INSR: variants seen among roughly 807,000 people sequenced by gnomAD.
INSR encodes insulin receptor.
INSR carries 67 observed loss-of-function variants against 142.6 expected under a neutral mutation model. The ratio of observed to expected loss-of-function variants is 0.47; its 90% CI spans 0.39 to 0.58. The LOEUF is 0.58. Among genes scored for constraint, INSR ranks in the 20% least tolerant of loss-of-function variants. INSR has a pLI of 0.00. For synonymous variants in INSR, 756 were observed against 743.1 expected (o/e 1.02, Z -0.28); for missense variants, 1,248 against 1,833.2 (o/e 0.68, Z 5.83).
intron 2 of INSR, among the ~76,000 whole-genome samples, chr19:7,185,868 GAGACAAAGAGAGAGAGAAA>G (rs1974416653): frequency 1.4e-5 from 1 of 70,960 alleles, no homozygotes; most frequent in African/African-American, 5.2e-5. Flanking sequence ...AAGAGAGAGA[GAGACAAAGAGAGAGAGAAA>G]AGGAAGGAAG....
chr19:7,146,945 C>T (rs1973200056), intron 11 of INSR, among the ~76,000 whole-genome samples: 1 of 152,134 alleles, frequency 6.6e-6, no homozygotes, highest in Non-Finnish European at 1.5e-5. Flanking sequence ...TTACCATAGG[C>T]TTAGCTGTTA....
intron 17 of INSR, among the ~76,000 whole-genome samples, chr19:7,123,688 T>G (rs1174321385): frequency 6.8e-6 from 1 of 146,728 alleles, no homozygotes; most frequent in Admixed American, 6.8e-5. Flanking sequence ...TTTGGGAGGC[T>G]GAGGCCGGTG....
rs758340827 is a variant in INSR at position 7,143,097 on chromosome 19, C to T, written c.2268-7G>A. 34 of 1,613,952 alleles carry T rather than the reference C, an allele frequency of 2.1e-5. No individual in the cohort carries two copies. The highest frequency in any genetic ancestry group is 6.7e-5 in the Admixed American group (4 of 59,990). On this transcript the variant is annotated splice_polypyrimidine_tract_variant and splice_region_variant and intron_variant, in intron 11 of 21. Transcript: ENST00000302850. ...CCTGCGTTTCCGAGATGGCCTGGAA[C>T]GACAGTAGGACATGTATGATGACAC...
At chr19:7,140,875 G>A (rs1395501914) in intron 13 of INSR, among the ~76,000 whole-genome samples, 5 of 151,076 alleles carry the variant, frequency 3.3e-5, no homozygotes, top group African/African-American at 1.2e-4. Flanking sequence ...GTAACGTGCT[G>A]AATGTGTTTG....
rs1360730471 is a variant in INSR, at chr19:7,160,211, A to C, written c.2029+2821T>G. 5.9e-5 allele frequency among the ~76,000 whole-genome samples: 9 copies of C among 151,686 alleles called. No homozygotes were observed. The South Asian group carries it at 1.9e-3, about 32-fold the overall frequency. ...CTTTTGTTACCCAGGCTGGAGTGCAATGGTGCAAGCTCGGCTCATTGCAAC... is the reference window on the plus strand; with the variant it reads ...CTTTTGTTACCCAGGCTGGAGTGCACTGGTGCAAGCTCGGCTCATTGCAAC... On this transcript the variant is annotated intron_variant, in intron 9 of 21. Coordinates refer to ENST00000302850, the MANE Select transcript of INSR (RefSeq NM_000208.4).
intron 2 of INSR, among the ~76,000 whole-genome samples, chr19:7,222,648 C>T (rs1975655867): frequency 1.3e-5 from 2 of 152,070 alleles, no homozygotes. Context: ...CCACCTCGGC[C>T]TCCCAAAGTG....
At chr19:7,265,001 C>G (rs534626962) in intron 2 of INSR, among the ~76,000 whole-genome samples, 2 of 152,194 alleles carry the variant, frequency 1.3e-5, no homozygotes, top group Non-Finnish European at 2.9e-5. Flanking sequence ...TTCCCCAGAG[C>G]GTTGGGCTCA....
chr19:7,183,263 G>GGTGTGTGTGTGTGTGT (rs71177167), intron 3 of INSR, among the ~76,000 whole-genome samples: 92 of 146,590 alleles, frequency 6.3e-4, no homozygotes, highest in South Asian at 1.1e-3. Flanking sequence ...GTTGTTTTGT[G>GGTGTGTGTGTGTGTGT]GTGTGTGTGT....
At position 7,294,383 on chromosome 19, in the gene INSR, G is replaced by A. The variant is rs1362043533; in HGVS notation, c.-492C>T. Among the ~76,000 whole-genome samples, 2 of 151,658 alleles carry A rather than the reference G, an allele frequency of 1.3e-5. No individual in the cohort carries two copies. Among genetic ancestry groups the A allele is most frequent in the African/African-American group, 2.4e-5 (1 of 41,366 alleles). On this transcript the variant is annotated 5_prime_UTR_variant, in exon 1 of 22. It adds an upstream start codon to the 5' untranslated region. Transcript: ENST00000302850. ...CAACGCGGCCCGTCAGCTGGGCCCC[G>A]TGCGGGCCGCGGGAAAAGGCGGCGC...
intron 1 of INSR, among the ~76,000 whole-genome samples, chr19:7,284,074 G>T (rs1178703553): frequency 2.0e-5 from 3 of 150,880 alleles, no homozygotes; most frequent in Non-Finnish European, 4.4e-5. Context: ...GTTTTTTTGG[G>T]TTTTTTTTGA....
intron 1 of INSR, among the ~76,000 whole-genome samples, chr19:7,288,900 T>C (rs1259140644): frequency 7.0e-6 from 1 of 142,444 alleles, no homozygotes; most frequent in Non-Finnish European, 1.5e-5. Context: ...GAGACGGAGG[T>C]TGTAGTGAGC....
At chr19:7,259,692 G>A (rs1977000159) in intron 2 of INSR, among the ~76,000 whole-genome samples, 1 of 151,968 alleles carries the variant, frequency 6.6e-6, no homozygotes, top group Non-Finnish European at 1.5e-5. Flanking sequence ...GGTGGCACGT[G>A]CCTGTAATCC....
At chr19:7,247,748 C>A (rs763102525) in intron 2 of INSR, among the ~76,000 whole-genome samples, 4 of 152,180 alleles carry the variant, frequency 2.6e-5, no homozygotes, top group Non-Finnish European at 5.9e-5. Flanking sequence ...GCTTCAAATG[C>A]AGGCCTGTCT....
At chr19:7,275,047 C>T (rs1421728213) in intron 1 of INSR, among the ~76,000 whole-genome samples, 1 of 151,628 alleles carries the variant, frequency 6.6e-6, no homozygotes, top group Non-Finnish European at 1.5e-5. Flanking sequence ...ATGATCTCGG[C>T]TCACTGCAAC....
Position 7,225,555 on chromosome 19 carries a change from A to G in INSR, c.653-40918T>C, listed in dbSNP as rs1256042594. ...CCCCAGCCCAGCACTTGAGTAATACATAAACCCACCTTCATTAAATGACTA... is the reference window on the plus strand; with the variant it reads ...CCCCAGCCCAGCACTTGAGTAATACGTAAACCCACCTTCATTAAATGACTA... On this transcript the variant is annotated intron_variant, in intron 2 of 21. Coordinates refer to ENST00000302850, the MANE Select transcript of INSR (RefSeq NM_000208.4). This position sits in a 1 kb window ranked among gnomAD's most constrained non-coding sequence, Gnocchi z 4.7. 6.6e-6 allele frequency among the ~76,000 whole-genome samples: 1 copy of G among 152,200 alleles called. No individual in the cohort carries two copies. Among genetic ancestry groups the G allele is most frequent in the Non-Finnish European group, 1.5e-5 (1 of 68,042 alleles).
intron 2 of INSR, among the ~76,000 whole-genome samples, chr19:7,190,707 A>T (rs1484482140): frequency 6.6e-6 from 1 of 152,168 alleles, no homozygotes; most frequent in East Asian, 1.9e-4. Flanking sequence ...CTATAAGCTC[A>T]TTCCAGGTGT....
chr19:7,294,129 C>A lies in INSR; in HGVS notation c.-238G>T. 2 of 210,308 alleles carry A rather than the reference C, an allele frequency of 9.5e-6. No individual in the cohort carries two copies. The highest frequency in any genetic ancestry group is 6.1e-5 in the Admixed American group (1 of 16,334). The allele number at this position is 210,308 out of a possible 1,614,324, so 13.0% of individuals were successfully genotyped here. On this transcript the variant is annotated 5_prime_UTR_variant, in exon 1 of 22. Transcript: ENST00000302850. ...GAGGCCCTTGCGGTGGTGGCCCCGACCCCCCGGCCGCTGCGGCCCGGGCCC... is the reference window on the plus strand; with the variant it reads ...GAGGCCCTTGCGGTGGTGGCCCCGAACCCCCGGCCGCTGCGGCCCGGGCCC...
At chr19:7,211,891 TCTC>T (rs985851192) in intron 2 of INSR, among the ~76,000 whole-genome samples, 17 of 142,018 alleles carry the variant, frequency 1.2e-4, no homozygotes, top group African/African-American at 5.3e-4. Flanking sequence ...CTACACGCCT[TCTC>T]CTTGTATTCT....
Position 7,128,864 on chromosome 19 carries a change from A to T in INSR, c.2933T>A (p.Phe978Tyr), listed in dbSNP as rs886054688. 4.3e-6 allele frequency: 7 copies of T among 1,612,270 alleles called. No individual in the cohort carries two copies. Among genetic ancestry groups the T allele is most frequent in the Non-Finnish European group, 4.2e-6 (5 of 1,178,286 alleles). ...FSVVIGSIYLFLRKRQPDGPL... is the reference protein window; with the variant it reads ...FSVVIGSIYLYLRKRQPDGPL... ...TCACTGAACTCACCTCTTTCTCAGG[A>T]ATAGATAAATACTTCCAATCACAAC... Residue 978 changes from phenylalanine (F) to tyrosine (Y), a missense_variant, in exon 15 of 22, where the codon TTC (phenylalanine) becomes TAC (tyrosine). Physicochemically the swap from Phe to Tyr is conservative, Grantham distance 22 (BLOSUM62 3). Transcript: ENST00000302850.
Sources: allele counts gnomAD v4.1 joint callset (sites outside exome capture counted in the v4.1 genomes callset), GRCh38; gene constraint gnomAD v4.1.1; non-coding constraint Gnocchi (gnomAD v3.1); transcripts MANE v1.5; gene names NCBI Gene and HGNC (gene_info 2026-07-23, HGNC 2026-07-21).